Variants in MAP3K3 observed in about 807,000 individuals in gnomAD.
MAP3K3 encodes the protein MAP/ERK kinase kinase 3.
A neutral mutation model predicts 80.9 loss-of-function variants in MAP3K3; 12 were observed. The observed-to-expected ratio is 0.15, with a 90% CI of 0.10 to 0.24. The LOEUF (loss-of-function observed/expected upper bound fraction) is 0.24, where lower values mean the gene tolerates loss of function less well. MAP3K3 is among the 10% of genes least tolerant of loss of function. The probability of loss-of-function intolerance (pLI) is 1.00; values close to 1 mark genes in which losing one functional copy is unlikely to be tolerated. For synonymous variants in MAP3K3, 272 were observed against 307.1 expected (o/e 0.89, Z 1.19); for missense variants, 596 against 834.7 (o/e 0.71, Z 3.52).
In MAP3K3 at chr17:63,695,225, C is replaced by T. The variant is rs558683342; in HGVS notation, c.*1448C>T. Reference sequence around the variant, plus strand: ...AGCCAAAGCCTTCGTTGTATGTTGACGATGCACTTTTATGAATGTAGTTTC... The same window carrying T: ...AGCCAAAGCCTTCGTTGTATGTTGATGATGCACTTTTATGAATGTAGTTTC... On this transcript the variant is annotated 3_prime_UTR_variant, in exon 16 of 16. Coordinates refer to ENST00000361733, the MANE Select transcript of MAP3K3 (RefSeq NM_002401.5). This position sits in a 1 kb window ranked among gnomAD's most constrained non-coding sequence, Gnocchi z 4.1. 2.6e-5 allele frequency: 4 copies of T among 152,734 alleles called. No individual in the cohort carries two copies. In the East Asian group the frequency reaches 5.8e-4, roughly 22 times the overall value. The allele number at this position is 152,734 out of a possible 1,614,324, so 9.5% of individuals were successfully genotyped here. A position where few individuals can be genotyped will look rare whatever the true frequency, so the allele number is the denominator to read the frequency against.
At position 63,648,997 on chromosome 17, in the gene MAP3K3, G is replaced by C. The variant is rs146984715; in HGVS notation, c.167+2923G>C. 5.8e-3 allele frequency among the ~76,000 whole-genome samples: 886 copies of C among 152,310 alleles called. 4 individuals carry two copies. Among genetic ancestry groups the C allele is most frequent in the Admixed American group, 8.6e-3 (131 of 15,304 alleles). On this transcript the variant is annotated intron_variant, in intron 3 of 15. Coordinates refer to ENST00000361733, the MANE Select transcript of MAP3K3 (RefSeq NM_002401.5). The stretch of plus-strand genomic sequence containing the variant: ...GGATAGATTATGGTTTATATTAATA[G>C]TCTATCAATGTTGCCCTGTAGAACT...
chr17:63,639,317 A>C (rs182011553), intron 2 of MAP3K3, among the ~76,000 whole-genome samples: 2 of 152,302 alleles, frequency 1.3e-5, no homozygotes, highest in East Asian at 3.9e-4. Flanking sequence ...AGAATGATTA[A>C]AGGCCTAGGG....
chr17:63,686,031 C>T lies in MAP3K3; in HGVS notation c.710+441C>T, dbSNP rs79112208. 9.2e-3 allele frequency among the ~76,000 whole-genome samples: 1,393 copies of T among 152,222 alleles called. 21 individuals carry two copies. Among genetic ancestry groups the T allele is most frequent in the African/African-American group, 0.031 (1,302 of 41,518 alleles). ...CCCAAAAACAGAATATCCAGAATGC[C>T]TAGTGTACCATGCCACCTGCTTGGT... On this transcript the variant is annotated intron_variant, in intron 8 of 15. Coordinates refer to ENST00000361733, the MANE Select transcript of MAP3K3 (RefSeq NM_002401.5).
intron 4 of MAP3K3, among the ~76,000 whole-genome samples, chr17:63,656,791 T>A (rs1379682993): frequency 6.6e-6 from 1 of 152,182 alleles, no homozygotes; most frequent in Non-Finnish European, 1.5e-5. Flanking sequence ...ATGAGTGTAT[T>A]AGTCTGTTCT....
chr17:63,671,255 A>C (rs950939629), intron 6 of MAP3K3, among the ~76,000 whole-genome samples: 1 of 132,670 alleles, frequency 7.5e-6, no homozygotes, highest in Non-Finnish European at 1.6e-5. Context: ...GTTCAAAATT[A>C]TTTTCTTTTT....
intron 6 of MAP3K3, among the ~76,000 whole-genome samples, chr17:63,673,220 G>A (rs2035145946): frequency 6.6e-6 from 1 of 152,146 alleles, no homozygotes; most frequent in South Asian, 2.1e-4. Flanking sequence ...TGATTCTAGT[G>A]CTGCTCCCTT....
At chr17:63,677,490 G>A (rs2035242961) in intron 6 of MAP3K3, among the ~76,000 whole-genome samples, 1 of 152,148 alleles carries the variant, frequency 6.6e-6, no homozygotes, top group South Asian at 2.1e-4. Context: ...TTTTACAGTT[G>A]CACTGGAATT....
chr17:63,679,872 C>T (rs1253036765), intron 6 of MAP3K3, among the ~76,000 whole-genome samples: 1 of 152,094 alleles, frequency 6.6e-6, no homozygotes, highest in South Asian at 2.1e-4. Context: ...CTCAGATTTT[C>T]CATCTAAAAC....
At chr17:63,652,277 T>C (rs2034671819) in intron 3 of MAP3K3, among the ~76,000 whole-genome samples, 1 of 152,140 alleles carries the variant, frequency 6.6e-6, no homozygotes, top group Non-Finnish European at 1.5e-5. Context: ...TCTAGTGGCC[T>C]CTTCTGTCAT....
chr17:63,674,575 C>T (rs1356568429), intron 6 of MAP3K3, among the ~76,000 whole-genome samples: 1 of 152,070 alleles, frequency 6.6e-6, no homozygotes, highest in African/African-American at 2.4e-5. Context: ...TCTTGAATTC[C>T]TGGTCTCAAG....
At position 63,622,703 on chromosome 17, in the gene MAP3K3, C is replaced by A; in HGVS notation, c.-57C>A. 2.2e-6 allele frequency: 1 copy of A among 446,286 alleles called. No individual in the cohort carries two copies. The highest frequency in any genetic ancestry group is 1.7e-5 in the South Asian group (1 of 59,112). 27.6% of individuals were successfully genotyped at this position (446,286 alleles called of 1,614,324 possible). A position where few individuals can be genotyped will look rare whatever the true frequency, so the allele number is the denominator to read the frequency against. On this transcript the variant is annotated 5_prime_UTR_variant, in exon 1 of 16. Coordinates refer to ENST00000361733, the MANE Select transcript of MAP3K3 (RefSeq NM_002401.5). The stretch of plus-strand genomic sequence containing the variant: ...CGCCGCCCGGGCCCCCGGCATGCAG[C>A]CCCGGCTGCGGAGGTGACACTCACG...
At chr17:63,642,465 A>T (rs1445833791) in intron 2 of MAP3K3, among the ~76,000 whole-genome samples, 3 of 151,940 alleles carry the variant, frequency 2.0e-5, no homozygotes, top group African/African-American at 7.3e-5. Context: ...TTCAAGACCA[A>T]CCTGGCCAGG....
chr17:63,688,984 C>G, intron 10 of MAP3K3, 103 bp downstream of exon 10: 1 of 808,600 alleles, frequency 1.2e-6, no homozygotes, highest in Non-Finnish European at 2.1e-6. Flanking sequence ...TTCCTTCATT[C>G]CTGAGGATTT....
intron 6 of MAP3K3, among the ~76,000 whole-genome samples, chr17:63,674,880 G>T (rs1272335058): frequency 4.6e-5 from 7 of 152,120 alleles, no homozygotes; most frequent in Non-Finnish European, 1.0e-4. Context: ...AAGAAAGAAT[G>T]TTGAAAGGAT....
intron 4 of MAP3K3, among the ~76,000 whole-genome samples, chr17:63,654,224 C>T (rs1245863047): frequency 1.3e-5 from 2 of 152,068 alleles, no homozygotes; most frequent in Admixed American, 6.6e-5. Flanking sequence ...CAGTTATTCC[C>T]CTTTCTCTCC....
At chr17:63,659,116 C>T (rs368260411) in intron 5 of MAP3K3, among the ~76,000 whole-genome samples, 1 of 152,188 alleles carries the variant, frequency 6.6e-6, no homozygotes, top group African/African-American at 2.4e-5. Context: ...AAATGATCCA[C>T]CCACTTTAGC....
At chr17:63,642,118 T>C (rs1333231103) in intron 2 of MAP3K3, among the ~76,000 whole-genome samples, 1 of 152,188 alleles carries the variant, frequency 6.6e-6, no homozygotes, top group Admixed American at 6.5e-5. Context: ...GGGCATATCA[T>C]GTGGTTCATG....
Position 63,688,494 on chromosome 17 carries a change from C to T in MAP3K3, c.711-33C>T, listed in dbSNP as rs753161204. 49 of 1,567,592 alleles carry T rather than the reference C, an allele frequency of 3.1e-5. 1 individual carries two copies. The highest frequency in any genetic ancestry group is 3.3e-5 in the South Asian group (3 of 90,070). On this transcript the variant is annotated intron_variant, in intron 8 of 15. Coordinates refer to ENST00000361733, the MANE Select transcript of MAP3K3 (RefSeq NM_002401.5). ...CCTGCTTGGTTGCTGTGGAAGTGTGCGGGAGTCTGTTTTTTCTTTTTGTTT... is the reference window on the plus strand; with the variant it reads ...CCTGCTTGGTTGCTGTGGAAGTGTGTGGGAGTCTGTTTTTTCTTTTTGTTT...
intron 8 of MAP3K3, 71 bp from the exon 9 acceptor site, chr17:63,688,456 A>T: frequency 8.2e-7 from 1 of 1,217,554 alleles, no homozygotes. Context: ...AGAAAGGGAG[A>T]CTGCCTGGAC....
Sources: gnomAD v4.1 joint callset for allele counts (sites outside exome capture counted in the v4.1 genomes callset) on GRCh38, gnomAD v4.1.1 for gene constraint, Gnocchi (gnomAD v3.1) non-coding constraint, MANE v1.5 for transcripts, NCBI Gene and HGNC (gene_info 2026-07-23, HGNC 2026-07-21) for gene names.